The following CACNG3 variants were observed in gnomAD, a reference collection of about 807,000 sequenced individuals.
CACNG3 encodes the protein calcium voltage-gated channel auxiliary subunit gamma 3.
In CACNG3, 3 loss-of-function variants were observed where a neutral mutation model predicts 28.5. The ratio of observed to expected loss-of-function variants is 0.11; its 90% confidence interval spans 0.05 to 0.27. The LOEUF is 0.27. Ranked by LOEUF, CACNG3 falls within the 10% of genes least tolerant of loss-of-function variation. The pLI, the probability that CACNG3 is intolerant of heterozygous loss-of-function variation, is 1.00. For synonymous variants in CACNG3, 174 were observed against 162.2 expected (o/e 1.07, Z -0.55); for missense variants, 236 against 414.4 (o/e 0.57, Z 3.74).
At position 24,361,326 on chromosome 16, in the gene CACNG3, G is replaced by A. The variant is rs752379957; in HGVS notation, c.437-26G>A. On this transcript the variant is annotated intron_variant, in intron 3 of 3. Transcript: ENST00000005284. This position sits in a 1 kb window ranked among gnomAD's most constrained non-coding sequence, Gnocchi z 6.8. ...GTTCTCTCCGAGGTGTATAAAGGACGTGTTTTTCTTTTCCCCTTCTCTTAG... is the reference window on the plus strand; with the variant it reads ...GTTCTCTCCGAGGTGTATAAAGGACATGTTTTTCTTTTCCCCTTCTCTTAG... 5.9e-6 allele frequency: 9 copies of A among 1,530,412 alleles called. No homozygotes were observed. Among genetic ancestry groups the A allele is most frequent in the African/African-American group, 2.8e-5 (2 of 71,836 alleles). 94.8% of individuals were successfully genotyped at this position (1,530,412 alleles called of 1,614,324 possible).
At chr16:24,272,253 A>G (rs1898700569) in intron 1 of CACNG3, among the ~76,000 whole-genome samples, 1 of 152,192 alleles carries the variant, frequency 6.6e-6, no homozygotes, top group Non-Finnish European at 1.5e-5. Context: ...CATGTTCTCA[A>G]TATAAATGTT....
chr16:24,257,427 G>T (rs78095961), intron 1 of CACNG3, among the ~76,000 whole-genome samples: 1,629 of 115,272 alleles, frequency 0.014, 15 homozygotes, highest in Middle Eastern at 0.029. Context: ...GAGAGAGAGA[G>T]ATCCTGACCC....
intron 1 of CACNG3, among the ~76,000 whole-genome samples, chr16:24,272,380 T>C (rs929307305): frequency 2.6e-5 from 4 of 152,124 alleles, no homozygotes; most frequent in Non-Finnish European, 5.9e-5. Flanking sequence ...TCTCTCTTTT[T>C]TTTTTCCTCT....
chr16:24,288,423 G>T (rs117413424), intron 1 of CACNG3, among the ~76,000 whole-genome samples: 1,619 of 152,306 alleles, frequency 0.011, 16 homozygotes, highest in Non-Finnish European at 0.017. Context: ...TTGAACCCAG[G>T]TTTTTCTCCT....
At chr16:24,322,302 T>C (rs2050401870) in intron 1 of CACNG3, among the ~76,000 whole-genome samples, 1 of 152,086 alleles carries the variant, frequency 6.6e-6, no homozygotes, top group African/African-American at 2.4e-5. Flanking sequence ...GCCCAGCCAG[T>C]GCCTGTGAAT....
At chr16:24,303,813 G>A (rs1349439258) in intron 1 of CACNG3, among the ~76,000 whole-genome samples, 1 of 152,152 alleles carries the variant, frequency 6.6e-6, no homozygotes, top group African/African-American at 2.4e-5. Context: ...AGCTACTCAG[G>A]AGGCTGAGGT....
intron 1 of CACNG3, among the ~76,000 whole-genome samples, chr16:24,310,734 A>T (rs140076402): frequency 7.9e-4 from 120 of 152,140 alleles, no homozygotes; most frequent in African/African-American, 2.9e-3. Context: ...TGGTTAAGTG[A>T]CTCACCCAAG....
intron 2 of CACNG3, among the ~76,000 whole-genome samples, chr16:24,348,122 G>A (rs954933861): frequency 6.6e-6 from 1 of 152,178 alleles, no homozygotes; most frequent in African/African-American, 2.4e-5. Flanking sequence ...GTGAGGCCAA[G>A]TGCAATGGCT....
chr16:24,297,307 C>T (rs1214285976), intron 1 of CACNG3, among the ~76,000 whole-genome samples: 3 of 151,448 alleles, frequency 2.0e-5, no homozygotes, highest in South Asian at 2.1e-4. Flanking sequence ...AATAAAAATA[C>T]TGATGTCTGT....
intron 1 of CACNG3, among the ~76,000 whole-genome samples, chr16:24,333,847 A>C (rs1899665490): frequency 6.6e-6 from 1 of 152,180 alleles, no homozygotes; most frequent in South Asian, 2.1e-4. Context: ...TCTCTCAAAA[A>C]GAAAGGAAGG....
At chr16:24,352,776 G>T (rs867897151) in intron 2 of CACNG3, among the ~76,000 whole-genome samples, 2 of 152,082 alleles carry the variant, frequency 1.3e-5, no homozygotes, top group East Asian at 3.9e-4. Flanking sequence ...CTGACCTCAG[G>T]TGTTCCTCCC....
Position 24,329,201 on chromosome 16 carries a change from G to A in CACNG3, c.212-17533G>A, listed in dbSNP as rs1899601059. 3.3e-5 allele frequency among the ~76,000 whole-genome samples: 5 copies of A among 152,302 alleles called. No individual in the cohort carries two copies. The South Asian group carries it at 1.0e-3, about 32-fold the overall frequency. On this transcript the variant is annotated intron_variant, in intron 1 of 3. Transcript: ENST00000005284. ...AGTGTGGTGTTTGCTCAAAACGCCA[G>A]AACTATTCCTGGATGTCAGGTGCAG...
intron 1 of CACNG3, among the ~76,000 whole-genome samples, chr16:24,299,385 T>C (rs1899076319): frequency 1.3e-5 from 2 of 152,198 alleles, no homozygotes; most frequent in African/African-American, 4.8e-5. Flanking sequence ...TCAATGAGTA[T>C]TTTGAACACA....
At chr16:24,314,120 C>A (rs1309472452) in intron 1 of CACNG3, among the ~76,000 whole-genome samples, 1 of 152,186 alleles carries the variant, frequency 6.6e-6, no homozygotes, top group Non-Finnish European at 1.5e-5. Context: ...AAAGACAGAT[C>A]TAGCAGTTTT....
At chr16:24,331,197 C>G (rs117964628) in intron 1 of CACNG3, among the ~76,000 whole-genome samples, 1 of 152,006 alleles carries the variant, frequency 6.6e-6, no homozygotes. Context: ...CCAGGACTAA[C>G]CAGAATCAAA....
intron 1 of CACNG3, among the ~76,000 whole-genome samples, chr16:24,298,554 A>G (rs1899063875): frequency 6.6e-6 from 1 of 152,206 alleles, no homozygotes; most frequent in African/African-American, 2.4e-5. Context: ...AAGATAATAT[A>G]AGAGTTCCTG....
Position 24,256,725 on chromosome 16 carries a change from C to T in CACNG3, c.-30C>T. The T allele has an allele frequency of 6.6e-7, 1 of 1,504,992 alleles. No individual in the cohort carries two copies. The highest frequency in any genetic ancestry group is 9.2e-7 in the Non-Finnish European group (1 of 1,081,200). The allele number at this position is 1,504,992 out of a possible 1,614,324, so 93.2% of individuals were successfully genotyped here. The stretch of plus-strand genomic sequence containing the variant: ...CCGGCACTGACTCTCCCCCTCCAAC[C>T]CCCAGCCGTCCAGAGTACCATGAAG... On this transcript the variant is annotated 5_prime_UTR_variant, in exon 1 of 4. Coordinates refer to ENST00000005284, the MANE Select transcript of CACNG3 (RefSeq NM_006539.4). The surrounding 1 kb of genome is among the most constrained non-coding windows in gnomAD (Gnocchi z 4.6).
intron 1 of CACNG3, among the ~76,000 whole-genome samples, chr16:24,328,082 T>A (rs1434812039): frequency 6.6e-6 from 1 of 152,166 alleles, no homozygotes; most frequent in Non-Finnish European, 1.5e-5. Flanking sequence ...AGAGATGCTC[T>A]TGGGATTTAC....
intron 1 of CACNG3, among the ~76,000 whole-genome samples, chr16:24,276,965 G>A (rs1210234632): frequency 1.3e-5 from 2 of 152,216 alleles, no homozygotes; most frequent in African/African-American, 4.8e-5. Flanking sequence ...CTGTGGGTGA[G>A]GATGGAGAAT....
Sources: allele counts gnomAD v4.1 joint callset (sites outside exome capture counted in the v4.1 genomes callset), GRCh38; gene constraint gnomAD v4.1.1; non-coding constraint Gnocchi (gnomAD v3.1); transcripts MANE v1.5; gene names NCBI Gene and HGNC (gene_info 2026-07-23, HGNC 2026-07-21).